Variants in FSTL5 observed in about 807,000 individuals in gnomAD.
The protein encoded by FSTL5 is follistatin like 5.
FSTL5 carries 62 observed loss-of-function variants against 89.1 expected under a neutral mutation model. That is an observed-to-expected ratio of 0.70 (90% CI 0.57 to 0.86). FSTL5 has a LOEUF of 0.86. Among genes scored for constraint, FSTL5 ranks in the 40% least tolerant of loss-of-function variants. The pLI is 0.00. For synonymous variants in FSTL5, 383 were observed against 346.2 expected, an observed-to-expected ratio of 1.11 and a Z score of -1.18; for missense variants, 1,057 against 1,001.6, an observed-to-expected ratio of 1.06 and a Z score of -0.75.
intron 8 of FSTL5, among the ~76,000 whole-genome samples, chr4:161,555,833 A>G (rs1732367911): frequency 6.6e-6 from 1 of 151,614 alleles, no homozygotes; most frequent in South Asian, 2.1e-4. Context: ...TGCTGGCTAC[A>G]CAGAGAATGT....
intron 3 of FSTL5, among the ~76,000 whole-genome samples, chr4:161,979,141 G>A (rs1735744115): frequency 6.6e-6 from 1 of 152,106 alleles, no homozygotes; most frequent in African/African-American, 2.4e-5. Context: ...GCTTACTTTG[G>A]TCTATGGGAT....
chr4:161,525,556 T>C (rs1285608171), intron 10 of FSTL5, among the ~76,000 whole-genome samples: 1 of 152,154 alleles, frequency 6.6e-6, no homozygotes, highest in Non-Finnish European at 1.5e-5. Context: ...TTTGGTTCAA[T>C]ACAAATACTC....
chr4:161,631,913 AG>A (rs1735518092), intron 7 of FSTL5, among the ~76,000 whole-genome samples: 2 of 152,334 alleles, frequency 1.3e-5, no homozygotes, highest in South Asian at 2.1e-4. Context: ...GTGGGAACTC[AG>A]GTAAAGCATT....
chr4:161,653,295 C>T (rs1736404426), intron 7 of FSTL5, among the ~76,000 whole-genome samples: 2 of 152,140 alleles, frequency 1.3e-5, no homozygotes, highest in Non-Finnish European at 2.9e-5. Flanking sequence ...AACTCCAGAA[C>T]TTTTGTCACC....
rs1203046031 is a variant in FSTL5, at chr4:161,615,293, C to CAA, written c.895-27720_895-27719dup. 6.8e-3 allele frequency among the ~76,000 whole-genome samples: 179 copies of CAA among 26,420 alleles called. 10 individuals are homozygous for CAA. The highest frequency in any genetic ancestry group is 0.01 in the Non-Finnish European group (144 of 14,002). 17.3% of individuals were successfully genotyped at this position (26,420 alleles called of 152,430 possible). A position where few individuals can be genotyped will look rare whatever the true frequency, so the allele number is the denominator to read the frequency against. On this transcript the variant is annotated intron_variant, in intron 7 of 15. Transcript: ENST00000306100. ...TGGGCAACAGAGGGAGACTCTGTCTCAAAAAAAAAAAAAAAAAAAAAAATT... is the reference window on the plus strand; with the variant it reads ...TGGGCAACAGAGGGAGACTCTGTCTCAAAAAAAAAAAAAAAAAAAAAAAAATT...
At chr4:161,894,396 G>A (rs1733087314) in intron 4 of FSTL5, among the ~76,000 whole-genome samples, 1 of 152,114 alleles carries the variant, frequency 6.6e-6, no homozygotes, top group South Asian at 2.1e-4. Context: ...AAAGCTAAGA[G>A]CAAAACAAAC....
At chr4:161,424,518 T>C (rs559473297) in intron 15 of FSTL5, among the ~76,000 whole-genome samples, 1 of 124,672 alleles carries the variant, frequency 8.0e-6, no homozygotes, top group South Asian at 3.6e-4. Context: ...ACATCTCCTT[T>C]TCCTCCTTTA....
chr4:162,032,426 A>C (rs1737568080), intron 3 of FSTL5, among the ~76,000 whole-genome samples: 2 of 152,178 alleles, frequency 1.3e-5, no homozygotes, highest in African/African-American at 2.4e-5. Flanking sequence ...ATAATTTCGC[A>C]TATAAAATAA....
chr4:162,102,620 ATATT>A (rs1366888599), intron 2 of FSTL5, among the ~76,000 whole-genome samples: 1 of 145,818 alleles, frequency 6.9e-6, no homozygotes, highest in Admixed American at 7.0e-5. Context: ...TATATATAAA[ATATT>A]TATAACATAT....
chr4:161,418,818 C>T lies in FSTL5; in HGVS notation c.1842-32369G>A, dbSNP rs139221505. Among the ~76,000 whole-genome samples, 1,452 of 152,234 alleles carry T rather than the reference C, an allele frequency of 9.5e-3. 19 individuals are homozygous for T. The highest frequency in any genetic ancestry group is 0.033 in the African/African-American group (1,378 of 41,536). Reference sequence around the variant, plus strand: ...CAGATAAAGACAGGACAAAACCCATCCAAATGTTGGGAACAAAATAGGCAA... The same window carrying T: ...CAGATAAAGACAGGACAAAACCCATTCAAATGTTGGGAACAAAATAGGCAA... On this transcript the variant is annotated intron_variant, in intron 15 of 15. Transcript: ENST00000306100.
At chr4:162,076,058 G>A (rs1282275105) in intron 2 of FSTL5, among the ~76,000 whole-genome samples, 2 of 151,806 alleles carry the variant, frequency 1.3e-5, no homozygotes, top group South Asian at 2.1e-4. Flanking sequence ...CCAATTTAAG[G>A]CATATACTAT....
At chr4:162,140,427 T>A (rs1657069436) in intron 1 of FSTL5, among the ~76,000 whole-genome samples, 1 of 152,206 alleles carries the variant, frequency 6.6e-6, no homozygotes, top group African/African-American at 2.4e-5. Context: ...CTATTGAATC[T>A]TTACAACAGT....
At chr4:161,495,824 G>T (rs1578877588) in intron 12 of FSTL5, among the ~76,000 whole-genome samples, 1 of 151,994 alleles carries the variant, frequency 6.6e-6, no homozygotes, top group Admixed American at 6.6e-5. Flanking sequence ...GGGAAAAATG[G>T]TTCCAAAAGA....
intron 6 of FSTL5, among the ~76,000 whole-genome samples, chr4:161,710,903 C>A (rs1417239862): frequency 6.6e-6 from 1 of 151,982 alleles, no homozygotes; most frequent in Admixed American, 6.6e-5. Flanking sequence ...TTGAGAAATT[C>A]ACGAATATGT....
chr4:162,030,751 A>G (rs1737490220), intron 3 of FSTL5, among the ~76,000 whole-genome samples: 1 of 152,186 alleles, frequency 6.6e-6, no homozygotes, highest in South Asian at 2.1e-4. Flanking sequence ...AAGTTGGCAG[A>G]CTCTGTAAGT....
chr4:161,521,863 A>G (rs1450544330), intron 10 of FSTL5, among the ~76,000 whole-genome samples: 1 of 128,326 alleles, frequency 7.8e-6, no homozygotes, highest in Non-Finnish European at 1.7e-5. Flanking sequence ...AAAAAAAAAA[A>G]AGAAAAAAAA....
At chr4:161,888,236 G>A (rs1344260106) in intron 4 of FSTL5, among the ~76,000 whole-genome samples, 4 of 152,094 alleles carry the variant, frequency 2.6e-5, no homozygotes, top group Admixed American at 2.6e-4. Context: ...AATTGATAGA[G>A]TAATGTGTGC....
At chr4:161,692,014 T>C (rs1737959350) in intron 6 of FSTL5, among the ~76,000 whole-genome samples, 1 of 152,108 alleles carries the variant, frequency 6.6e-6, no homozygotes, top group South Asian at 2.1e-4. Flanking sequence ...CAAAAATACA[T>C]ATATATAATC....
chr4:161,680,744 G>A (rs186879737), intron 6 of FSTL5, among the ~76,000 whole-genome samples: 2 of 151,780 alleles, frequency 1.3e-5, no homozygotes, highest in African/African-American at 4.8e-5. Flanking sequence ...TTCCCTGTGA[G>A]AAAATATCTG....
Sources: allele counts gnomAD v4.1 joint callset (sites outside exome capture counted in the v4.1 genomes callset), GRCh38; gene constraint gnomAD v4.1.1; transcripts MANE v1.5; gene names NCBI Gene and HGNC (gene_info 2026-07-23, HGNC 2026-07-21).